The following HEMK2 variants were observed in gnomAD, a reference collection of about 807,000 sequenced individuals.
HEMK2 encodes HemK methyltransferase 2, ETF1 glutamine and histone H4 lysine, also known as methyltransferase HEMK2.
the HEMK2 span, among the ~76,000 whole-genome samples, chr21:28,733,640 TC>T: frequency 2.6e-4 from 39 of 151,832 alleles, no homozygotes; most frequent in Non-Finnish European, 4.9e-4. Flanking sequence ...GCGTACCCAC[TC>T]CCCCCAACCC....
chr21:28,778,708 T>C, the HEMK2 span, among the ~76,000 whole-genome samples: 8 of 152,210 alleles, frequency 5.3e-5, no homozygotes, highest in Non-Finnish European at 1.2e-4. Flanking sequence ...CTTTTTGCCG[T>C]CTTATATCTT....
the HEMK2 span, among the ~76,000 whole-genome samples, chr21:28,766,364 G>A: frequency 5.9e-5 from 9 of 151,916 alleles, no homozygotes; most frequent in Non-Finnish European, 1.3e-4. Flanking sequence ...ATAGATATTG[G>A]CATGGATACG....
the HEMK2 span, among the ~76,000 whole-genome samples, chr21:28,676,504 T>C: frequency 6.6e-6 from 1 of 151,598 alleles, no homozygotes; most frequent in Non-Finnish European, 1.5e-5. Context: ...TATCATCATC[T>C]TGAAATCCTG....
the HEMK2 span, among the ~76,000 whole-genome samples, chr21:28,603,991 A>C: frequency 6.6e-6 from 1 of 152,334 alleles, no homozygotes; most frequent in South Asian, 2.1e-4. Flanking sequence ...TGGTCCAGGC[A>C]GGCCAACTGC....
At chr21:28,880,230 G>A in the HEMK2 span, among the ~76,000 whole-genome samples, 26,216 of 151,912 alleles carry the variant, frequency 0.17, 2,360 homozygotes, top group South Asian at 0.23. Context: ...TTTAGAAAAT[G>A]AAATAAGAAA....
chr21:28,757,320 T>C, the HEMK2 span, among the ~76,000 whole-genome samples: 7 of 152,218 alleles, frequency 4.6e-5, no homozygotes, highest in African/African-American at 1.7e-4. Flanking sequence ...TTTCATACCA[T>C]GGGAGCAGAA....
the HEMK2 span, among the ~76,000 whole-genome samples, chr21:28,831,323 G>A: frequency 2.0e-5 from 3 of 150,920 alleles, no homozygotes; most frequent in African/African-American, 7.3e-5. Flanking sequence ...GCGGGCGCCT[G>A]TAATCCCAGC....
the HEMK2 span, among the ~76,000 whole-genome samples, chr21:28,780,127 C>T: frequency 6.6e-6 from 1 of 152,180 alleles, no homozygotes; most frequent in South Asian, 2.1e-4. Context: ...TTATGAGTAG[C>T]TAATGAGACA....
the HEMK2 span, among the ~76,000 whole-genome samples, chr21:28,780,730 C>T: frequency 2.2e-4 from 33 of 152,316 alleles, no homozygotes; most frequent in African/African-American, 7.9e-4. Context: ...TTGTTCAAAT[C>T]CAAGTCCCAA....
At chr21:28,676,580 T>C in the HEMK2 span, among the ~76,000 whole-genome samples, 1 of 152,094 alleles carries the variant, frequency 6.6e-6, no homozygotes, top group Non-Finnish European at 1.5e-5. Flanking sequence ...AAACTCCAAC[T>C]GGCCTGCACA....
At chr21:28,779,142 A>G in the HEMK2 span, among the ~76,000 whole-genome samples, 2 of 152,244 alleles carry the variant, frequency 1.3e-5, no homozygotes, top group African/African-American at 4.8e-5. Context: ...TCAGTATGTT[A>G]AAGAGATAGC....
At chr21:28,697,175 G>A in the HEMK2 span, among the ~76,000 whole-genome samples, 6 of 152,074 alleles carry the variant, frequency 3.9e-5, no homozygotes, top group Admixed American at 3.9e-4. Flanking sequence ...CCAGAAAATG[G>A]GTTTTTCTTT....
At chr21:28,855,542 C>T in the HEMK2 span, among the ~76,000 whole-genome samples, 3 of 152,254 alleles carry the variant, frequency 2.0e-5, no homozygotes, top group South Asian at 2.1e-4. Context: ...CTCTTCCACC[C>T]TAAAACAACA....
the HEMK2 span, among the ~76,000 whole-genome samples, chr21:28,710,847 A>T: frequency 6.6e-6 from 1 of 152,188 alleles, no homozygotes; most frequent in African/African-American, 2.4e-5. Context: ...CTAAATGAAG[A>T]TCCCACCCAA....
the HEMK2 span, among the ~76,000 whole-genome samples, chr21:28,818,727 C>T: frequency 6.6e-6 from 1 of 152,174 alleles, no homozygotes; most frequent in Non-Finnish European, 1.5e-5. Context: ...GCATCACAGT[C>T]CGTGGGGCTC....
At chr21:28,636,725 A>G in the HEMK2 span, among the ~76,000 whole-genome samples, 1 of 152,216 alleles carries the variant, frequency 6.6e-6, no homozygotes, top group African/African-American at 2.4e-5. Flanking sequence ...GAATGACAGT[A>G]CATGCATCTT....
chr21:28,851,600 G>A, the HEMK2 span, among the ~76,000 whole-genome samples: 1 of 152,210 alleles, frequency 6.6e-6, no homozygotes, highest in South Asian at 2.1e-4. Flanking sequence ...TGCTGAGGTA[G>A]AAAGTCCCTA....
the HEMK2 span, among the ~76,000 whole-genome samples, chr21:28,607,166 T>C: frequency 6.6e-6 from 1 of 152,168 alleles, no homozygotes; most frequent in East Asian, 1.9e-4. Context: ...ATCCTAGAAC[T>C]TTTGGAGGCC....
At chr21:28,856,413 C>T in the HEMK2 span, among the ~76,000 whole-genome samples, 1 of 148,462 alleles carries the variant, frequency 6.7e-6, no homozygotes, top group Non-Finnish European at 1.5e-5. Flanking sequence ...AAGACTCCAT[C>T]TCAAAAAAAA....
Sources: gnomAD v4.1 joint callset for allele counts (sites outside exome capture counted in the v4.1 genomes callset) on GRCh38, gnomAD v4.1.1 for gene constraint, MANE v1.5 for transcripts, NCBI Gene and HGNC (gene_info 2026-07-23, HGNC 2026-07-21) for gene names.